HOOK2: variants seen among roughly 807,000 people sequenced by gnomAD.
HOOK2 encodes the protein hook microtubule tethering protein 2.
Under a neutral mutation model 111.9 loss-of-function variants are expected in HOOK2, and 108 were observed. The ratio of observed to expected loss-of-function variants is 0.96; its 90% CI spans 0.83 to 1.13. The LOEUF (loss-of-function observed/expected upper bound fraction) is 1.13, where lower values mean the gene tolerates loss of function less well. Among genes scored for constraint, HOOK2 ranks in the 50% most tolerant of loss-of-function variants. The pLI is 0.00. For synonymous variants in HOOK2, 405 were observed against 394.3 expected, an observed-to-expected ratio of 1.03 and a Z score of -0.32; for missense variants, 978 against 951.3, an observed-to-expected ratio of 1.03 and a Z score of -0.37.
intron 20 of HOOK2, chr19:12,764,576 C>T: frequency 1.8e-6 from 1 of 547,600 alleles, no homozygotes; most frequent in Non-Finnish European, 3.3e-6. Flanking sequence ...GTTCCGCCTG[C>T]CTTGACCTCC....
At chr19:12,771,984 G>A (rs1370171253) in intron 7 of HOOK2, 1 of 566,806 alleles carries the variant, frequency 1.8e-6, no homozygotes, top group East Asian at 2.9e-5. Context: ...GGTACAGGAA[G>A]TGGCTAGCAC....
rs542096751 is a variant in HOOK2, at chr19:12,788,057, AAAAC to A, written n.42-13836_42-13833del. On this transcript the variant is annotated intron_variant and non_coding_transcript_variant, in intron 3 of 3. Coordinates refer to the HOOK2 transcript ENST00000589765. ...GCGACAGAGCAAGACTCCATCTCAA[AAAAC>A]AAACAAACAAACAAACAAACAAAAC... 1.1e-3 allele frequency among the ~76,000 whole-genome samples: 175 copies of A among 152,272 alleles called. 1 individual carries two copies. Among genetic ancestry groups the A allele is most frequent in the African/African-American group, 3.5e-3 (146 of 41,548 alleles).
At chr19:12,780,419 C>G (rs1968588027), upstream of HOOK2, among the ~76,000 whole-genome samples, 1 of 151,574 alleles carries the variant, frequency 6.6e-6, no homozygotes, top group Admixed American at 6.6e-5. Flanking sequence ...TGCAGTGGAG[C>G]GATCTCGGTT....
In HOOK2 at chr19:12,765,987, C is replaced by T; in HGVS notation, c.1539G>A (p.Leu513=). 3 of 1,614,012 alleles carry T rather than the reference C, an allele frequency of 1.9e-6. No homozygotes were observed. Among genetic ancestry groups the T allele is most frequent in the Non-Finnish European group, 1.7e-6 (2 of 1,180,002 alleles). The change falls in exon 16 of 23, where the codon CTG becomes CTA. Residue 513 remains leucine, a synonymous_variant. Transcript: ENST00000397668. Reference sequence around the variant, plus strand: ...TCTGCAGGTCCTCCACCTGGGCCCGCAGCTCGGATAGCTGCTGCTGGTTCA... The same window carrying T: ...TCTGCAGGTCCTCCACCTGGGCCCGTAGCTCGGATAGCTGCTGCTGGTTCA... ...HRLNQQQLSE[L]RAQVEDLQKA...
In HOOK2 at chr19:12,772,931, C is replaced by T; in HGVS notation, c.256-19G>A. Reference sequence around the variant, plus strand: ...CCAGGACCTGGGGAGAAGGGGGTGTCAGGGGCTCATGGGCCCACCCTTCTC... The same window carrying T: ...CCAGGACCTGGGGAGAAGGGGGTGTTAGGGGCTCATGGGCCCACCCTTCTC... On this transcript the variant is annotated intron_variant, in intron 4 of 22. Coordinates refer to ENST00000397668, the MANE Select transcript of HOOK2 (RefSeq NM_013312.3). 1 of 1,614,208 alleles carries T rather than the reference C, an allele frequency of 6.2e-7. No homozygotes were observed. The highest frequency in any genetic ancestry group is 1.1e-5 in the South Asian group (1 of 91,080).
chr19:12,763,295 G>A lies in HOOK2; in HGVS notation c.2147C>T (p.Thr716Ile), dbSNP rs1463895018. Residue 716 changes from threonine (T) to isoleucine (I), a missense_variant, in exon 23 of 23, where the codon ACT becomes ATT. Physicochemically the swap from Thr to Ile is moderately conservative, Grantham distance 89. Around this residue, in one of 5 missense-constraint regions of HOOK2, gnomAD observed 277 missense variants for 265.8 expected, o/e 1.04. Coordinates refer to ENST00000397668, the MANE Select transcript of HOOK2 (RefSeq NM_013312.3). Reference sequence around the variant, plus strand: ...TTGTGAGGTCTGTCAGTGCTTGTCAGTGGGGCGAAGGTTCAGAGATGCCAG... The same window carrying A: ...TTGTGAGGTCTGTCAGTGCTTGTCAATGGGGCGAAGGTTCAGAGATGCCAG... ...GRLASLNLRPTDKH is the reference protein window; with the variant it reads ...GRLASLNLRPIDKH The A allele has an allele frequency of 6.2e-7, 1 of 1,613,676 alleles. No individual in the cohort carries two copies. The highest frequency in any genetic ancestry group is 8.5e-7 in the Non-Finnish European group (1 of 1,179,952).
intron 3 of HOOK2, chr19:12,792,253 C>G: frequency 6.7e-7 from 1 of 1,502,450 alleles, no homozygotes; most frequent in South Asian, 1.3e-5. Context: ...TCCCTGGGCG[C>G]TACCGGGGGG....
At chr19:12,769,129 C>T (rs1004254429) in intron 11 of HOOK2, among the ~76,000 whole-genome samples, 16 of 151,958 alleles carry the variant, frequency 1.1e-4, no homozygotes, top group African/African-American at 3.9e-4. Flanking sequence ...CCACGCCCGG[C>T]TAATTTTTTG....
chr19:12,771,753 G>T (rs917452545), intron 7 of HOOK2: 4 of 464,956 alleles, frequency 8.6e-6, no homozygotes, highest in Non-Finnish European at 1.6e-5. Context: ...GTGGTGGCGT[G>T]TGCCTGTAGT....
chr19:12,769,510 A>G (rs1372104800), intron 11 of HOOK2, among the ~76,000 whole-genome samples: 1 of 151,412 alleles, frequency 6.6e-6, no homozygotes, highest in Non-Finnish European at 1.5e-5. Flanking sequence ...ACAACCTCGA[A>G]ATCCTGGGCT....
intron 3 of HOOK2, chr19:12,785,104 C>G (rs1451594017): frequency 6.5e-6 from 1 of 152,876 alleles, no homozygotes; most frequent in Non-Finnish European, 1.5e-5. Flanking sequence ...GTGGGACATT[C>G]ATAAACACAT....
chr19:12,775,537 A>G lies in HOOK2; in HGVS notation c.-88T>C. The G allele has an allele frequency of 6.9e-7, 1 of 1,440,630 alleles. No individual in the cohort carries two copies. Among genetic ancestry groups the G allele is most frequent in the Non-Finnish European group, 9.3e-7 (1 of 1,075,124 alleles). 89.2% of individuals were successfully genotyped at this position (1,440,630 alleles called of 1,614,324 possible). On this transcript the variant is annotated 5_prime_UTR_variant, in exon 1 of 23. Coordinates refer to ENST00000397668, the MANE Select transcript of HOOK2 (RefSeq NM_013312.3). ...CCACCAGCGAGCGCCCGCAGCCCCG[A>G]CCTCCCGCTCGGCCTAGAGCGCCGC...
rs1238943867 is a variant in HOOK2 at position 12,765,004 on chromosome 19, C to T, written c.1718G>A (p.Ser573Asn). The change falls in exon 19 of 23, where the codon AGC (serine) becomes AAC (asparagine). Residue 573 changes from serine (S) to asparagine (N), a missense_variant. By Grantham distance (46) the Ser-to-Asn change is conservative (BLOSUM62 1). This residue lies in a region of HOOK2 where 277 missense variants were observed against 265.8 expected (regional missense o/e 1.04). Coordinates refer to ENST00000397668, the MANE Select transcript of HOOK2 (RefSeq NM_013312.3). ...YIEELEPPTD[S>N]STARRIEELQ... ...GGTCACTAGGTCCTACTTACTGCTG[C>T]TGTCAGTGGGTGGCTCCAGCTCCTC... 1.2e-6 allele frequency: 2 copies of T among 1,614,158 alleles called. No homozygotes were observed. The highest frequency in any genetic ancestry group is 2.2e-5 in the East Asian group (1 of 44,886).
chr19:12,764,493 C>T (rs576270169), intron 20 of HOOK2: 125 of 265,588 alleles, frequency 4.7e-4, no homozygotes, highest in Non-Finnish European at 8.2e-4. Context: ...CCATGCCCAG[C>T]TAATTTTTGT....
In HOOK2 at chr19:12,766,076, CGCGCAGGTAGGTCCCCAG is replaced by C; in HGVS notation, c.1511+9_1511+26del. 1 of 1,603,674 alleles carries C rather than the reference CGCGCAGGTAGGTCCCCAG, an allele frequency of 6.2e-7. No homozygotes were observed. The highest frequency in any genetic ancestry group is 8.5e-7 in the Non-Finnish European group (1 of 1,176,852). Reference sequence around the variant, plus strand: ...CTTTTGGCCCCCTCTGTCCCTGCTCCGCGCAGGTAGGTCCCCAGGCGCTCACCGGTGCTGCGTCTCCAA... The same window carrying C: ...CTTTTGGCCCCCTCTGTCCCTGCTCCGCGCTCACCGGTGCTGCGTCTCCAA... On this transcript the variant is annotated intron_variant, in intron 15 of 22. Transcript: ENST00000397668.
At chr19:12,764,102 C>T (rs879546926) in intron 20 of HOOK2, among the ~76,000 whole-genome samples, 20 of 152,144 alleles carry the variant, frequency 1.3e-4, no homozygotes, top group Non-Finnish European at 2.4e-4. Context: ...GCAACTTTTG[C>T]CTCCCGGGTT....
At position 12,766,142 on chromosome 19, in the gene HOOK2, T is replaced by C; in HGVS notation, c.1472A>G (p.Asp491Gly). The C allele has an allele frequency of 6.2e-7, 1 of 1,601,578 alleles. No individual in the cohort carries two copies. Among genetic ancestry groups the C allele is most frequent in the Non-Finnish European group, 8.5e-7 (1 of 1,179,184 alleles). Reference protein sequence around the residue: ...RQEELQRHLEDANRARHGLET... With the variant: ...RQEELQRHLEGANRARHGLET... ...CAACCCGTGGCGCGCGCGGTTGGCA[T>C]CCTCCAGGTGGCGCTGCAGCTCCTC... Residue 491 changes from aspartate (D) to glycine (G), a missense_variant, in exon 15 of 23, where the codon GAT (aspartate) becomes GGT (glycine). Transcript: ENST00000397668.
In HOOK2 at chr19:12,763,163, G is replaced by A; in HGVS notation, c.*119C>T. ...CTCCCCACCAATCTGGGAGAGGGAAGAGCAGAGATCATGGCCTCAAAGCTC... is the reference window on the plus strand; with the variant it reads ...CTCCCCACCAATCTGGGAGAGGGAAAAGCAGAGATCATGGCCTCAAAGCTC... On this transcript the variant is annotated 3_prime_UTR_variant, in exon 23 of 23. Transcript: ENST00000397668. 1 of 667,752 alleles carries A rather than the reference G, an allele frequency of 1.5e-6. No individual in the cohort carries two copies. 41.4% of individuals were successfully genotyped at this position (667,752 alleles called of 1,614,324 possible). A position where few individuals can be genotyped will look rare whatever the true frequency, so the allele number is the denominator to read the frequency against.
chr19:12,775,232 G>T, intron 1 of HOOK2, 173 bp downstream of exon 1: 1 of 985,320 alleles, frequency 1.0e-6, no homozygotes, highest in Middle Eastern at 5.2e-4. Context: ...TCCTTTCCAC[G>T]CAGACTTGCC....
Sources: gnomAD v4.1 joint callset for allele counts (sites outside exome capture counted in the v4.1 genomes callset) on GRCh38, gnomAD v4.1.1 for gene constraint, gnomAD v4.1.1 regional missense constraint, MANE v1.5 for transcripts, NCBI Gene and HGNC (gene_info 2026-07-23, HGNC 2026-07-21) for gene names.